CAMK1D: variants seen among roughly 807,000 people sequenced by gnomAD.
The protein encoded by CAMK1D is calcium/calmodulin-dependent protein kinase type 1D.
In CAMK1D, 9 loss-of-function variants were observed where a neutral mutation model predicts 47.7. The observed-to-expected ratio is 0.19, with a 90% CI of 0.11 to 0.33. The LOEUF is 0.33. Ranked by LOEUF, CAMK1D falls within the 10% of genes least tolerant of loss-of-function variation. The probability of loss-of-function intolerance (pLI) is 1.00; values close to 1 mark genes in which losing one functional copy is unlikely to be tolerated. For synonymous variants in CAMK1D, 184 were observed against 184.9 expected, an observed-to-expected ratio of 0.99 and a Z score of 0.04; for missense variants, 291 against 488.7, an observed-to-expected ratio of 0.60 and a Z score of 3.81.
At chr10:12,436,743 C>T (rs907231560) in intron 1 of CAMK1D, among the ~76,000 whole-genome samples, 11 of 152,290 alleles carry the variant, frequency 7.2e-5, no homozygotes, top group East Asian at 5.8e-4. Context: ...CTGAGACCAA[C>T]GGGTGATCTC....
intron 1 of CAMK1D, among the ~76,000 whole-genome samples, chr10:12,414,900 T>C (rs1259665812): frequency 1.3e-5 from 2 of 152,218 alleles, no homozygotes; most frequent in Non-Finnish European, 2.9e-5. Context: ...AGGAAATAAA[T>C]TATGGAGAGT....
intron 8 of CAMK1D, among the ~76,000 whole-genome samples, chr10:12,819,691 C>T (rs1832946992): frequency 1.3e-5 from 2 of 152,200 alleles, no homozygotes; most frequent in African/African-American, 4.8e-5. Flanking sequence ...GCAGTGGGGT[C>T]CCTGACATCT....
intron 3 of CAMK1D, among the ~76,000 whole-genome samples, chr10:12,742,419 G>A (rs1835472805): frequency 2.0e-5 from 3 of 152,216 alleles, no homozygotes; most frequent in Non-Finnish European, 4.4e-5. Context: ...ACAGGCATGA[G>A]CCACCACGCA....
At chr10:12,442,373 C>T (rs1415340668) in intron 1 of CAMK1D, among the ~76,000 whole-genome samples, 2 of 152,064 alleles carry the variant, frequency 1.3e-5, no homozygotes, top group African/African-American at 4.8e-5. Flanking sequence ...CCCACCTACT[C>T]AGGAGGCTGA....
intron 2 of CAMK1D, among the ~76,000 whole-genome samples, chr10:12,629,404 T>C (rs1839314271): frequency 6.6e-6 from 1 of 152,178 alleles, no homozygotes; most frequent in Non-Finnish European, 1.5e-5. Context: ...AAAATGACAA[T>C]AAACACGTTT....
intron 2 of CAMK1D, among the ~76,000 whole-genome samples, chr10:12,575,866 A>G (rs974412878): frequency 1.3e-5 from 2 of 152,242 alleles, no homozygotes; most frequent in African/African-American, 4.8e-5. Flanking sequence ...ATAGACCAAG[A>G]ATTTAAGAAG....
intron 1 of CAMK1D, among the ~76,000 whole-genome samples, chr10:12,510,929 C>A (rs954756965): frequency 6.6e-6 from 1 of 152,148 alleles, no homozygotes. Context: ...TGCTAAGAAA[C>A]GGAGACTGGA....
intron 1 of CAMK1D, among the ~76,000 whole-genome samples, chr10:12,449,152 G>A (rs1009140326): frequency 1.3e-5 from 2 of 152,178 alleles, no homozygotes; most frequent in Admixed American, 6.5e-5. Flanking sequence ...TACCTGGGCC[G>A]ATGTTACATG....
intron 1 of CAMK1D, among the ~76,000 whole-genome samples, chr10:12,428,543 G>T (rs777009890): frequency 4.1e-4 from 63 of 152,146 alleles, no homozygotes; most frequent in Admixed American, 7.2e-4. Context: ...TAGCTTTCCC[G>T]TGGGGTTCTG....
intron 3 of CAMK1D, among the ~76,000 whole-genome samples, chr10:12,683,445 T>C (rs984020131): frequency 4.1e-4 from 63 of 152,238 alleles, no homozygotes; most frequent in African/African-American, 1.4e-3. Context: ...ATTCATAAAT[T>C]AAAATTTTAG....
intron 6 of CAMK1D, among the ~76,000 whole-genome samples, chr10:12,800,973 C>T (rs1023214689): frequency 1.3e-5 from 2 of 152,128 alleles, no homozygotes; most frequent in Non-Finnish European, 2.9e-5. Context: ...AAGTATGTTG[C>T]ATCATTTTCA....
intron 1 of CAMK1D, among the ~76,000 whole-genome samples, chr10:12,467,337 G>C (rs1444590395): frequency 6.6e-6 from 1 of 152,114 alleles, no homozygotes; most frequent in African/African-American, 2.4e-5. Context: ...AATTTTAGTA[G>C]AGATGGGGTT....
chr10:12,459,200 A>C (rs545205272), intron 1 of CAMK1D, among the ~76,000 whole-genome samples: 8 of 152,260 alleles, frequency 5.3e-5, no homozygotes, highest in African/African-American at 1.7e-4. Context: ...TTATCATAAT[A>C]TAATTATCAC....
chr10:12,608,026 G>C (rs1307216212), intron 2 of CAMK1D, among the ~76,000 whole-genome samples: 1 of 152,186 alleles, frequency 6.6e-6, no homozygotes, highest in Non-Finnish European at 1.5e-5. Context: ...CTCAAATCCA[G>C]AGGGTACTTA....
At chr10:12,415,158 AG>A (rs1376641858) in intron 1 of CAMK1D, among the ~76,000 whole-genome samples, 1 of 151,860 alleles carries the variant, frequency 6.6e-6, no homozygotes, top group Non-Finnish European at 1.5e-5. Flanking sequence ...CTTTTTCCAA[AG>A]GGTTTCCAGT....
chr10:12,522,128 CTT>C (rs1357207761), intron 1 of CAMK1D, among the ~76,000 whole-genome samples: 1 of 148,966 alleles, frequency 6.7e-6, no homozygotes, highest in Non-Finnish European at 1.5e-5. Context: ...GCGTTGATCT[CTT>C]CTGGTTTTTG....
chr10:12,694,374 A>G (rs1307594316), intron 3 of CAMK1D, among the ~76,000 whole-genome samples: 1 of 68,964 alleles, frequency 1.5e-5, no homozygotes, highest in Non-Finnish European at 2.4e-5. Flanking sequence ...TTATATATAA[A>G]ATATAAAATA....
intron 1 of CAMK1D, among the ~76,000 whole-genome samples, chr10:12,375,647 A>G (rs1488203891): frequency 1.3e-5 from 2 of 151,986 alleles, no homozygotes; most frequent in Non-Finnish European, 2.9e-5. Flanking sequence ...CTGTCCTTCC[A>G]TTTGTTGGGT....
chr10:12,711,768 C>A (rs745450587), intron 3 of CAMK1D, among the ~76,000 whole-genome samples: 68 of 152,298 alleles, frequency 4.5e-4, no homozygotes, highest in African/African-American at 1.3e-3. Flanking sequence ...TCTGTCTACA[C>A]CCTGTTTTTA....
Sources: gnomAD v4.1 joint callset for allele counts (sites outside exome capture counted in the v4.1 genomes callset) on GRCh38, gnomAD v4.1.1 for gene constraint, MANE v1.5 for transcripts, NCBI Gene and HGNC (gene_info 2026-07-23, HGNC 2026-07-21) for gene names.